The following BBC3 variants were observed in gnomAD, a reference collection of about 807,000 sequenced individuals.
BBC3 encodes bcl-2-binding component 3.
Under a neutral mutation model 18.2 loss-of-function variants are expected in BBC3, and 5 were observed. The observed-to-expected ratio is 0.27, with a 90% CI of 0.14 to 0.58. BBC3 has a LOEUF of 0.58. Among genes scored for constraint, BBC3 ranks in the 20% least tolerant of loss-of-function variants. BBC3 has a pLI of 0.91. For synonymous variants in BBC3, 119 were observed against 128.0 expected (o/e 0.93, Z 0.47); for missense variants, 224 against 268.9 (o/e 0.83, Z 1.17).
chr19:47,232,473 C>A, upstream of BBC3: 1 of 1,503,092 alleles, frequency 6.7e-7, no homozygotes, highest in South Asian at 1.2e-5. Flanking sequence ...CTAACTGGCC[C>A]ACTGCACACA....
upstream of BBC3, chr19:47,231,283 G>T (rs1026958788): frequency 1.2e-6 from 1 of 807,604 alleles, no homozygotes; most frequent in Non-Finnish European, 1.5e-6. This position sits in a 1 kb window ranked among gnomAD's most constrained non-coding sequence, Gnocchi z 4.0. Flanking sequence ...CCCACGCCCC[G>T]CCCCCGCGTG....
chr19:47,221,884 G>A lies in BBC3; in HGVS notation c.500C>T (p.Pro167Leu). ...GATGAGATTGTACAGGACCCTCCAG[G>A]GTGAGGGGCGGTGCCGCTGCTGCTC... ...QEEQQRHRPS[P>L]WRVLYNLIMG... is the part of the protein sequence containing the mutation. The change falls in exon 4 of 4, where the codon CCC (proline) becomes CTC (leucine). Residue 167 changes from proline (P) to leucine (L), a missense_variant. Pro to Leu is a moderately conservative substitution (Grantham distance 98). Coordinates refer to ENST00000439096, the MANE Select transcript of BBC3 (RefSeq NM_014417.5). The A allele has an allele frequency of 6.2e-7, 1 of 1,610,040 alleles. No homozygotes were observed. The highest frequency in any genetic ancestry group is 1.1e-5 in the South Asian group (1 of 90,656).
intron 3 of BBC3, chr19:47,222,271 TGAG>T (rs2058760761): frequency 5.1e-6 from 1 of 197,490 alleles, no homozygotes; most frequent in East Asian, 1.2e-4. Context: ...GCTGGCAAGA[TGAG>T]GAGAAAGGAG....
intron 2 of BBC3, 180 bp from the exon 3 acceptor site, chr19:47,226,934 A>ACGCCGCTCTGGGGT (rs1209421969): frequency 2.4e-5 from 13 of 530,996 alleles, no homozygotes; most frequent in African/African-American, 1.8e-4. Context: ...GTACCTGGGG[A>ACGCCGCTCTGGGGT]CGCCGCTCTG....
At chr19:47,227,649 G>T (rs1457193213) in intron 2 of BBC3, among the ~76,000 whole-genome samples, 2 of 151,988 alleles carry the variant, frequency 1.3e-5, no homozygotes, top group African/African-American at 4.8e-5. Context: ...CCCTCCCCAA[G>T]ACTCCCCCAC....
At position 47,228,567 on chromosome 19, in the gene BBC3, G is replaced by A. The variant is rs557397754; in HGVS notation, c.-15-121C>T. 1 of 1,016,054 alleles carries A rather than the reference G, an allele frequency of 9.8e-7. No homozygotes were observed. The highest frequency in any genetic ancestry group is 1.3e-6 in the Non-Finnish European group (1 of 793,748). The allele number at this position is 1,016,054 out of a possible 1,614,324, so 62.9% of individuals were successfully genotyped here. A position where few individuals can be genotyped will look rare whatever the true frequency, so the allele number is the denominator to read the frequency against. ...TGGAGGTGTGTGTGCATGCGGAGGG[G>A]GTGACGGCCCCACAGAGACACGCCC... On this transcript the variant is annotated intron_variant, in intron 1 of 3. Transcript: ENST00000439096. The surrounding 1 kb of genome is among the most constrained non-coding windows in gnomAD (Gnocchi z 5.5).
In BBC3 at chr19:47,221,773, C is replaced by T; in HGVS notation, c.*29G>A. On this transcript the variant is annotated 3_prime_UTR_variant, in exon 4 of 4. Coordinates refer to ENST00000439096, the MANE Select transcript of BBC3 (RefSeq NM_014417.5). ...GTGGGAGGGGCCTGCCCCCCGAGTC[C>T]CTGACGTCCACCGGGCGGGTGCAGG... 1.9e-6 allele frequency: 3 copies of T among 1,608,032 alleles called. No individual in the cohort carries two copies. The South Asian group carries it at 3.3e-5, about 18-fold the overall frequency.
In BBC3 at chr19:47,228,422, C is replaced by G; in HGVS notation, c.10G>C (p.Ala4Pro). The change falls in exon 2 of 4, where the codon GCA (alanine) becomes CCA (proline). Residue 4 changes from alanine to proline, a missense_variant. Physicochemically the swap from Ala to Pro is conservative, Grantham distance 27 (BLOSUM62 -1). Coordinates refer to ENST00000439096, the MANE Select transcript of BBC3 (RefSeq NM_014417.5). The surrounding 1 kb of genome is among the most constrained non-coding windows in gnomAD (Gnocchi z 5.5). MAR[A>P]RQEGSSPEPV... ...TCCGGGGAGCTGCCCTCCTGGCGTG[C>G]GCGGGCCATGGCGCTCCCTGGGGCC... The G allele has an allele frequency of 3.7e-5, 46 of 1,231,722 alleles. No individual in the cohort carries two copies. Among genetic ancestry groups the G allele is most frequent in the Non-Finnish European group, 4.6e-5 (45 of 987,808 alleles). 76.3% of individuals were successfully genotyped at this position (1,231,722 alleles called of 1,614,324 possible). A position where few individuals can be genotyped will look rare whatever the true frequency, so the allele number is the denominator to read the frequency against.
Position 47,221,753 on chromosome 19 carries a change from A to G in BBC3, c.*49T>C. On this transcript the variant is annotated 3_prime_UTR_variant, in exon 4 of 4. Transcript: ENST00000439096. Reference sequence around the variant, plus strand: ...GCTGGCCAGGGTGTCAGGAGGTGGGAGGGGCCTGCCCCCCGAGTCCCTGAC... The same window carrying G: ...GCTGGCCAGGGTGTCAGGAGGTGGGGGGGGCCTGCCCCCCGAGTCCCTGAC... The G allele has an allele frequency of 6.2e-7, 1 of 1,604,988 alleles. No homozygotes were observed. The highest frequency in any genetic ancestry group is 8.5e-7 in the Non-Finnish European group (1 of 1,177,552).
rs918597729 is a variant in BBC3 at position 47,228,006 on chromosome 19, T to G, written c.274+152A>C. Reference sequence around the variant, plus strand: ...CCCCAGCCTCCGTCTTCCTGCTTCTTGCAACACAAAGACCACATTGGCCAC... The same window carrying G: ...CCCCAGCCTCCGTCTTCCTGCTTCTGGCAACACAAAGACCACATTGGCCAC... On this transcript the variant is annotated intron_variant, in intron 2 of 3. Coordinates refer to ENST00000439096, the MANE Select transcript of BBC3 (RefSeq NM_014417.5). The surrounding 1 kb of genome is among the most constrained non-coding windows in gnomAD (Gnocchi z 5.5). 5.1e-6 allele frequency: 3 copies of G among 585,886 alleles called. No individual in the cohort carries two copies. The highest frequency in any genetic ancestry group is 1.9e-5 in the African/African-American group (1 of 51,304). The allele number at this position is 585,886 out of a possible 1,614,324, so 36.3% of individuals were successfully genotyped here.
intron 3 of BBC3, among the ~76,000 whole-genome samples, chr19:47,224,220 G>A (rs766136668): frequency 7.3e-5 from 11 of 151,690 alleles, no homozygotes; most frequent in Non-Finnish European, 1.3e-4. Flanking sequence ...ACTTGAACCC[G>A]GGAGGTGAAG....
Position 47,230,743 on chromosome 19 carries a change from C to T in BBC3, c.-16+186G>A. On this transcript the variant is annotated intron_variant, in intron 1 of 3. Transcript: ENST00000439096. This position sits in a 1 kb window ranked among gnomAD's most constrained non-coding sequence, Gnocchi z 6.7. ...GGCACCTGTGCGCCCAGACCGGCGC[C>T]CCAACGCCGAGCCGCCTCTCACCCG... 6.1e-6 allele frequency: 6 copies of T among 985,222 alleles called. No individual in the cohort carries two copies. Among genetic ancestry groups the T allele is most frequent in the Non-Finnish European group, 7.2e-6 (6 of 829,850 alleles). 61.0% of individuals were successfully genotyped at this position (985,222 alleles called of 1,614,324 possible).
chr19:47,224,700 A>C (rs1296628852), intron 3 of BBC3, among the ~76,000 whole-genome samples: 1 of 152,034 alleles, frequency 6.6e-6, no homozygotes, highest in Non-Finnish European at 1.5e-5. Context: ...ATGTTTATCC[A>C]ACAGAATACT....
At chr19:47,222,087 A>T in intron 3 of BBC3, 169 bp from the exon 4 acceptor site, 1 of 584,962 alleles carries the variant, frequency 1.7e-6, no homozygotes, top group Non-Finnish European at 2.9e-6. Flanking sequence ...CTCATCCAGG[A>T]CATGAGACCT....
chr19:47,224,980 C>T (rs925441534), intron 3 of BBC3, among the ~76,000 whole-genome samples: 1 of 151,742 alleles, frequency 6.6e-6, no homozygotes, highest in Non-Finnish European at 1.5e-5. Context: ...GGCACGATCT[C>T]GGCTCACCGC....
At position 47,228,451 on chromosome 19, in the gene BBC3, G is replaced by C. The variant is rs2058866292; in HGVS notation, c.-15-5C>G. 3 of 1,231,722 alleles carry C rather than the reference G, an allele frequency of 2.4e-6. No homozygotes were observed. In the Admixed American group the frequency reaches 1.3e-4, roughly 52 times the overall value. The allele number at this position is 1,231,722 out of a possible 1,614,324, so 76.3% of individuals were successfully genotyped here. A position where few individuals can be genotyped will look rare whatever the true frequency, so the allele number is the denominator to read the frequency against. ...GGCCATGGCGCTCCCTGGGGCCTGC[G>C]GGACACGGGAGGAGGAGCAGGTCAG... On this transcript the variant is annotated splice_region_variant and splice_polypyrimidine_tract_variant and intron_variant, in intron 1 of 3. Coordinates refer to ENST00000439096, the MANE Select transcript of BBC3 (RefSeq NM_014417.5). This position sits in a 1 kb window ranked among gnomAD's most constrained non-coding sequence, Gnocchi z 5.5.
Position 47,221,612 on chromosome 19 carries a change from A to G in BBC3, c.*190T>C. On this transcript the variant is annotated 3_prime_UTR_variant, in exon 4 of 4. Transcript: ENST00000439096. ...CTTGGCCAGGGACCCAGGAGTCCGC[A>G]TCTCCGTCAGTGCACCCCAGGCTGG... 1 of 1,222,572 alleles carries G rather than the reference A, an allele frequency of 8.2e-7. No homozygotes were observed. The highest frequency in any genetic ancestry group is 1.4e-5 in the South Asian group (1 of 70,260). The allele number at this position is 1,222,572 out of a possible 1,614,324, so 75.7% of individuals were successfully genotyped here.
Position 47,226,698 on chromosome 19 carries a change from C to A in BBC3, c.331G>T (p.Ala111Ser). 6.8e-7 allele frequency: 1 copy of A among 1,476,250 alleles called. No individual in the cohort carries two copies. The highest frequency in any genetic ancestry group is 9.0e-7 in the Non-Finnish European group (1 of 1,116,374). The allele number at this position is 1,476,250 out of a possible 1,614,324, so 91.4% of individuals were successfully genotyped here. Reference protein sequence around the residue: ...EQHLESPVPSAPGALAGGPTQ... With the variant: ...EQHLESPVPSSPGALAGGPTQ... ...GGACCGCCCGCCAGAGCCCCCGGGG[C>A]GCTGGGCACGGGCGACTCCAGGTGC... Residue 111 changes from alanine to serine, a missense_variant, in exon 3 of 4, where the codon GCC (alanine) becomes TCC (serine). Transcript: ENST00000439096.
In BBC3 at chr19:47,228,960, C is replaced by A. The variant is rs1188629414; in HGVS notation, c.-15-514G>T. On this transcript the variant is annotated intron_variant, in intron 1 of 3. Transcript: ENST00000439096. This position sits in a 1 kb window ranked among gnomAD's most constrained non-coding sequence, Gnocchi z 5.5. ...CACTTGCACACAAACACTGAGATGG[C>A]CCCAGTCTCGGACATCACTACTCAG... Among the ~76,000 whole-genome samples, 3 of 151,890 alleles carry A rather than the reference C, an allele frequency of 2.0e-5. No homozygotes were observed. The highest frequency in any genetic ancestry group is 4.4e-5 in the Non-Finnish European group (3 of 67,958).
Sources: allele counts gnomAD v4.1 joint callset (sites outside exome capture counted in the v4.1 genomes callset), GRCh38; gene constraint gnomAD v4.1.1; non-coding constraint Gnocchi (gnomAD v3.1); transcripts MANE v1.5; gene names NCBI Gene and HGNC (gene_info 2026-07-23, HGNC 2026-07-21).